Variants in RIMS1 observed in about 807,000 individuals in gnomAD.
RIMS1 encodes the protein regulating synaptic membrane exocytosis protein 1.
In RIMS1, 83 loss-of-function variants were observed where a neutral mutation model predicts 214.1. The observed-to-expected ratio is 0.39, with a 90% CI of 0.32 to 0.47. The LOEUF (loss-of-function observed/expected upper bound fraction) is 0.47. Ranked by LOEUF, RIMS1 falls within the 20% of genes least tolerant of loss-of-function variation. The pLI is 0.99. For synonymous variants in RIMS1, 793 were observed against 786.8 expected, an observed-to-expected ratio of 1.01 and a Z score of -0.13; for missense variants, 2,050 against 2,161.8, an observed-to-expected ratio of 0.95 and a Z score of 1.03.
chr6:72,112,055 C>A (rs77189086), intron 4 of RIMS1, among the ~76,000 whole-genome samples: 10,453 of 152,228 alleles, frequency 0.069, 426 homozygotes, highest in Non-Finnish European at 0.093. Flanking sequence ...CCTGCTTTAG[C>A]TCTCCAAACC....
intron 4 of RIMS1, among the ~76,000 whole-genome samples, chr6:72,111,340 A>G (rs1355921522): frequency 6.6e-6 from 1 of 152,186 alleles, no homozygotes; most frequent in Non-Finnish European, 1.5e-5. Flanking sequence ...TCAAAATCTC[A>G]AAGCTACTCT....
intron 31 of RIMS1, among the ~76,000 whole-genome samples, chr6:72,394,542 G>A (rs1258611030): frequency 6.6e-6 from 1 of 151,982 alleles, no homozygotes; most frequent in African/African-American, 2.4e-5. Context: ...TAAGTATAGT[G>A]CTTAGAAATA....
intron 2 of RIMS1, among the ~76,000 whole-genome samples, chr6:71,994,049 T>C (rs1444982901): frequency 6.6e-6 from 1 of 152,220 alleles, no homozygotes; most frequent in East Asian, 1.9e-4. Context: ...CATTGTACTC[T>C]TAAGTCAGTG....
At chr6:72,236,783 TAAAAAAAA>T (rs11326772) in intron 8 of RIMS1, among the ~76,000 whole-genome samples, 3 of 128,516 alleles carry the variant, frequency 2.3e-5, no homozygotes, top group Non-Finnish European at 4.9e-5. Context: ...GCTGATGAGC[TAAAAAAAA>T]AAAAAAAAAA....
intron 9 of RIMS1, among the ~76,000 whole-genome samples, chr6:72,241,012 A>G (rs1361465868): frequency 5.3e-5 from 8 of 152,152 alleles, no homozygotes. Flanking sequence ...GTGAAACTCC[A>G]TCTCAAAAAA....
At chr6:72,367,600 T>C (rs2098079155) in intron 29 of RIMS1, among the ~76,000 whole-genome samples, 1 of 152,176 alleles carries the variant, frequency 6.6e-6, no homozygotes, top group South Asian at 2.1e-4. Flanking sequence ...CATTTTCTTA[T>C]TCACTGATAC....
At chr6:72,298,430 T>C (rs755884010) in intron 26 of RIMS1, among the ~76,000 whole-genome samples, 9 of 151,984 alleles carry the variant, frequency 5.9e-5, no homozygotes, top group Non-Finnish European at 5.9e-5. Context: ...AATGATAGAA[T>C]AGGAAACGAG....
At chr6:72,219,348 G>A in intron 6 of RIMS1, among the ~76,000 whole-genome samples, 1 of 152,098 alleles carries the variant, frequency 6.6e-6, no homozygotes, top group East Asian at 1.9e-4. Context: ...TATATAACCT[G>A]CTTCACGTAG....
chr6:72,126,196 T>C (rs549498502), intron 4 of RIMS1, among the ~76,000 whole-genome samples: 10 of 152,202 alleles, frequency 6.6e-5, no homozygotes, highest in Middle Eastern at 3.4e-3. Context: ...CAATAAATGG[T>C]ACTGGGAAAA....
intron 4 of RIMS1, among the ~76,000 whole-genome samples, chr6:72,148,259 A>G (rs776964998): frequency 8.5e-5 from 13 of 152,172 alleles, no homozygotes; most frequent in Non-Finnish European, 1.5e-4. Flanking sequence ...AAGAGTCCCA[A>G]TGATTCAAGA....
chr6:72,094,050 T>C (rs2030222777), intron 2 of RIMS1, among the ~76,000 whole-genome samples: 1 of 152,198 alleles, frequency 6.6e-6, no homozygotes, highest in South Asian at 2.1e-4. Flanking sequence ...CCCAGAATTT[T>C]CAGTGTTTTG....
intron 2 of RIMS1, among the ~76,000 whole-genome samples, chr6:72,034,787 C>G (rs987934506): frequency 6.6e-6 from 1 of 151,918 alleles, no homozygotes; most frequent in Admixed American, 6.6e-5. Flanking sequence ...AGACGGATCC[C>G]AAGTCTTCCA....
At chr6:72,247,901 T>A (rs2070967248) in intron 11 of RIMS1, 114 bp from the exon 12 acceptor site, 1 of 688,812 alleles carries the variant, frequency 1.5e-6, no homozygotes, top group Admixed American at 2.4e-5. Flanking sequence ...AAAAGTAGGT[T>A]CTGTTATCAG....
intron 29 of RIMS1, among the ~76,000 whole-genome samples, chr6:72,345,732 G>T (rs776906276): frequency 5.3e-5 from 8 of 151,776 alleles, no homozygotes; most frequent in African/African-American, 1.7e-4. Context: ...GCTTGTACTA[G>T]GGTGGAACTG....
intron 1 of RIMS1, among the ~76,000 whole-genome samples, chr6:71,938,234 C>A (rs528822109): frequency 3.3e-4 from 50 of 152,242 alleles, no homozygotes; most frequent in African/African-American, 1.1e-3. Flanking sequence ...TGGAGTTGTG[C>A]CTGCAGTCTT....
intron 4 of RIMS1, among the ~76,000 whole-genome samples, chr6:72,108,977 T>C (rs2035406056): frequency 6.6e-6 from 1 of 151,728 alleles, no homozygotes; most frequent in East Asian, 1.9e-4. Context: ...TGCGATAGTT[T>C]ACTGAGAATG....
At chr6:72,305,799 A>G (rs1182467333) in intron 26 of RIMS1, among the ~76,000 whole-genome samples, 1 of 152,136 alleles carries the variant, frequency 6.6e-6, no homozygotes, top group East Asian at 1.9e-4. Context: ...AACATTATTA[A>G]AGCAGGGGTG....
intron 2 of RIMS1, among the ~76,000 whole-genome samples, chr6:72,026,019 C>T (rs1322938372): frequency 6.6e-6 from 1 of 152,168 alleles, no homozygotes; most frequent in East Asian, 1.9e-4. Flanking sequence ...AAGGCAGAAG[C>T]TGCAATGTCT....
intron 4 of RIMS1, among the ~76,000 whole-genome samples, chr6:72,129,100 T>C (rs2040049568): frequency 6.6e-6 from 1 of 152,210 alleles, no homozygotes; most frequent in Admixed American, 6.5e-5. Context: ...TATTCTTTGT[T>C]AGCTCTTCTG....
Sources: gnomAD v4.1 joint callset for allele counts (sites outside exome capture counted in the v4.1 genomes callset) on GRCh38, gnomAD v4.1.1 for gene constraint, MANE v1.5 for transcripts, NCBI Gene and HGNC (gene_info 2026-07-23, HGNC 2026-07-21) for gene names.